CAMK2D: variants seen among roughly 807,000 people sequenced by gnomAD.
The protein encoded by CAMK2D is calcium/calmodulin dependent protein kinase II delta.
A neutral mutation model predicts 84.0 loss-of-function variants in CAMK2D; 37 were observed. That is an observed-to-expected ratio of 0.44 (90% CI 0.34 to 0.58). The LOEUF is 0.58. Among genes scored for constraint, CAMK2D ranks in the 20% least tolerant of loss-of-function variants. The probability of loss-of-function intolerance (pLI) is 0.02; values close to 1 mark genes in which losing one functional copy is unlikely to be tolerated. For missense variants in CAMK2D, 448 were observed against 652.5 expected, an observed-to-expected ratio of 0.69 and a Z score of 3.41; for synonymous variants, 202 against 212.5, an observed-to-expected ratio of 0.95 and a Z score of 0.43.
chr4:113,460,074 A>G, intron 18 of CAMK2D, 73 bp downstream of exon 18: 1 of 886,940 alleles, frequency 1.1e-6, no homozygotes, highest in Admixed American at 1.8e-5. Flanking sequence ...GAAAAGAGCA[A>G]AATAATCTGC....
At chr4:113,724,581 C>T (rs370287351) in intron 2 of CAMK2D, among the ~76,000 whole-genome samples, 33 of 151,710 alleles carry the variant, frequency 2.2e-4, no homozygotes, top group African/African-American at 7.5e-4. Context: ...AAAAAAAAAG[C>T]CTCCCAATCT....
chr4:113,635,704 G>A (rs1246280683), intron 3 of CAMK2D, among the ~76,000 whole-genome samples: 1 of 152,142 alleles, frequency 6.6e-6, no homozygotes, highest in East Asian at 1.9e-4. Flanking sequence ...ATATAATAGT[G>A]GAGAAAATAA....
chr4:113,513,353 A>T lies in CAMK2D; in HGVS notation c.921T>A (p.Thr307=). 6.2e-7 allele frequency: 1 copy of T among 1,613,040 alleles called. No individual in the cohort carries two copies. The highest frequency in any genetic ancestry group is 8.5e-7 in the Non-Finnish European group (1 of 1,178,978). The change falls in exon 12 of 21, where the codon ACT becomes ACA. Residue 307 remains threonine, a synonymous_variant. Transcript: ENST00000511664. ...RRKLKGAILT[T]MLATRNFSAA... The stretch of plus-strand genomic sequence containing the variant: ...CTGAGAAATTCCTTGTAGCCAGCAT[A>T]GTTGTCAAGATGGCACCCTGTGAAA...
At chr4:113,686,133 A>G (rs2099359152) in intron 2 of CAMK2D, among the ~76,000 whole-genome samples, 1 of 152,146 alleles carries the variant, frequency 6.6e-6, no homozygotes, top group Non-Finnish European at 1.5e-5. Context: ...AATGTACTTG[A>G]TTCTAAGCAA....
At chr4:113,655,311 A>G (rs2099194208) in intron 3 of CAMK2D, among the ~76,000 whole-genome samples, 1 of 152,052 alleles carries the variant, frequency 6.6e-6, no homozygotes, top group Non-Finnish European at 1.5e-5. Context: ...TTTGTAGTGT[A>G]TGAGTGAGTG....
rs1298341709 is a variant in CAMK2D, at chr4:113,709,746, G to GATATATACATATATATATATATAT, written c.161-47975_161-47974insATATATATATATATATGTATATAT. Reference sequence around the variant, plus strand: ...GAGTGAAAAGCTAAAAGCCGTGAACGATATATATATATATATATATATATA... The same window carrying GATATATACATATATATATATATAT: ...GAGTGAAAAGCTAAAAGCCGTGAACGATATATACATATATATATATATATATATATATATATATATATATATATA... On this transcript the variant is annotated intron_variant, in intron 2 of 20. Coordinates refer to ENST00000511664, the MANE Select transcript of CAMK2D (RefSeq NM_001321571.2). 6.6e-4 allele frequency among the ~76,000 whole-genome samples: 33 copies of GATATATACATATATATATATATAT among 49,802 alleles called. 1 individual carries two copies. The highest frequency in any genetic ancestry group is 3.0e-3 in the African/African-American group (27 of 8,924). The allele number at this position is 49,802 out of a possible 152,430, so 32.7% of individuals were successfully genotyped here. A position where few individuals can be genotyped will look rare whatever the true frequency, so the allele number is the denominator to read the frequency against.
chr4:113,494,491 G>T (rs2097897785), intron 16 of CAMK2D, among the ~76,000 whole-genome samples: 1 of 152,318 alleles, frequency 6.6e-6, no homozygotes, highest in East Asian at 1.9e-4. Flanking sequence ...GAGGCAGTCT[G>T]CCTGTTCTCA....
At chr4:113,705,281 C>T (rs1450354783) in intron 2 of CAMK2D, among the ~76,000 whole-genome samples, 2 of 148,696 alleles carry the variant, frequency 1.3e-5, no homozygotes, top group Admixed American at 1.3e-4. Flanking sequence ...GAGCTGAGAT[C>T]ACCCCACTGC....
At chr4:113,701,036 A>T (rs1300340312) in intron 2 of CAMK2D, among the ~76,000 whole-genome samples, 2 of 112,142 alleles carry the variant, frequency 1.8e-5, no homozygotes, top group Non-Finnish European at 3.5e-5. Context: ...AGGCACTGAT[A>T]AAAAAAAATT....
At chr4:113,594,644 T>G (rs907714199) in intron 4 of CAMK2D, among the ~76,000 whole-genome samples, 4 of 152,182 alleles carry the variant, frequency 2.6e-5, no homozygotes, top group Admixed American at 2.6e-4. Flanking sequence ...GAGAATGTCT[T>G]TGATAGGCTC....
intron 4 of CAMK2D, among the ~76,000 whole-genome samples, chr4:113,563,545 C>A (rs1268392068): frequency 6.6e-6 from 1 of 152,132 alleles, no homozygotes; most frequent in Non-Finnish European, 1.5e-5. Context: ...TTTGCTGGAC[C>A]CTAAGAAGGA....
rs1330527096 is a variant in CAMK2D, at chr4:113,452,085, G to C, written c.*2460C>G. 6.7e-6 allele frequency: 1 copy of C among 148,608 alleles called. No individual in the cohort carries two copies. Among genetic ancestry groups the C allele is most frequent in the Non-Finnish European group, 1.5e-5 (1 of 67,562 alleles). 9.2% of individuals were successfully genotyped at this position (148,608 alleles called of 1,614,324 possible). Reference sequence around the variant, plus strand: ...GTAGCAGGAGCTGGGGTGCTTGCCTGTATCCCAGAAATGATAACATCAAAG... The same window carrying C: ...GTAGCAGGAGCTGGGGTGCTTGCCTCTATCCCAGAAATGATAACATCAAAG... On this transcript the variant is annotated 3_prime_UTR_variant, in exon 21 of 21. Coordinates refer to ENST00000511664, the MANE Select transcript of CAMK2D (RefSeq NM_001321571.2).
intron 16 of CAMK2D, among the ~76,000 whole-genome samples, chr4:113,487,287 G>T (rs1261340469): frequency 6.6e-6 from 1 of 151,936 alleles, no homozygotes; most frequent in Admixed American, 6.6e-5. Context: ...GGTTATAGCA[G>T]AAATCCATAG....
In CAMK2D at chr4:113,682,727, T is replaced by G. The variant is rs140790345; in HGVS notation, c.161-20955A>C. ...ATCTTATTTAAAATTAGGAATTGTA[T>G]CATCTTAGCATTTGGTTCAGTAAAC... On this transcript the variant is annotated intron_variant, in intron 2 of 20. Transcript: ENST00000511664. 1.2e-4 allele frequency among the ~76,000 whole-genome samples: 18 copies of G among 152,320 alleles called. No homozygotes were observed. In the East Asian group the frequency reaches 3.3e-3, roughly 28 times the overall value.
chr4:113,714,800 C>T (rs2099508520), intron 2 of CAMK2D, among the ~76,000 whole-genome samples: 1 of 152,128 alleles, frequency 6.6e-6, no homozygotes, highest in Admixed American at 6.6e-5. Flanking sequence ...TTTACAGGCA[C>T]ATGTAAATAA....
At chr4:113,530,626 A>C (rs189008189) in intron 8 of CAMK2D, among the ~76,000 whole-genome samples, 1 of 152,286 alleles carries the variant, frequency 6.6e-6, no homozygotes, top group Non-Finnish European at 1.5e-5. Context: ...CATGAATGGG[A>C]TTAATGCTCT....
intron 2 of CAMK2D, among the ~76,000 whole-genome samples, chr4:113,673,295 C>T (rs1326422605): frequency 6.6e-6 from 1 of 152,182 alleles, no homozygotes; most frequent in South Asian, 2.1e-4. Context: ...TTGTGGCTTG[C>T]TAACTGTCCT....
At chr4:113,516,126 G>C (rs536067588) in intron 9 of CAMK2D, among the ~76,000 whole-genome samples, 1 of 152,198 alleles carries the variant, frequency 6.6e-6, no homozygotes, top group African/African-American at 2.4e-5. Flanking sequence ...AATTAAATTA[G>C]TCCATTTTTA....
At chr4:113,496,405 C>T (rs1283069256) in intron 16 of CAMK2D, among the ~76,000 whole-genome samples, 1 of 148,864 alleles carries the variant, frequency 6.7e-6, no homozygotes, top group Non-Finnish European at 1.5e-5. Flanking sequence ...TACCACAGTG[C>T]TTCCATGATG....
Sources: gnomAD v4.1 joint callset for allele counts (sites outside exome capture counted in the v4.1 genomes callset) on GRCh38, gnomAD v4.1.1 for gene constraint, MANE v1.5 for transcripts, NCBI Gene and HGNC (gene_info 2026-07-23, HGNC 2026-07-21) for gene names.